The following CRTAC1 variants were observed in gnomAD, a reference collection of about 807,000 sequenced individuals.
The protein encoded by CRTAC1 is acidic secreted protein in cartilage.
In CRTAC1, 37 loss-of-function variants were observed where a neutral mutation model predicts 67.8. The observed-to-expected ratio is 0.55, with a 90% CI of 0.42 to 0.72. The LOEUF (loss-of-function observed/expected upper bound fraction) is 0.72. CRTAC1 is among the 30% of genes least tolerant of loss of function. The probability of loss-of-function intolerance (pLI) is 0.00; values close to 1 mark genes in which losing one functional copy is unlikely to be tolerated. For synonymous variants in CRTAC1, 348 were observed against 371.0 expected, an observed-to-expected ratio of 0.94 and a Z score of 0.71; for missense variants, 780 against 931.6, an observed-to-expected ratio of 0.84 and a Z score of 2.12.
chr10:97,865,870 A>ATG (rs1020339503), intron 14 of CRTAC1, 156 bp from the exon 15 acceptor site: 22 of 1,139,814 alleles, frequency 1.9e-5, no homozygotes, highest in Non-Finnish European at 2.6e-5. Flanking sequence ...CCATCAACCT[A>ATG]TGCCCCCTGT....
At chr10:97,904,566 C>A (rs548012158) in intron 7 of CRTAC1, 103 bp downstream of exon 7, 1 of 1,128,300 alleles carries the variant, frequency 8.9e-7, no homozygotes, top group African/African-American at 1.6e-5. Flanking sequence ...ATTATAGGCA[C>A]GCACCACCAC....
In CRTAC1 at chr10:98,029,480, CCAGCAGCAG is replaced by C. The variant is rs879078198; in HGVS notation, c.24+960_24+968del. ...GCAGAAGCCACACTGGGTGCACCCA[CCAGCAGCAG>C]CAGCGGCGGCGGCGGCGGCGGCGGC... On this transcript the variant is annotated intron_variant, in intron 1 of 14. Transcript: ENST00000370597. The surrounding 1 kb of genome is among the most constrained non-coding windows in gnomAD (Gnocchi z 4.7). 7.3e-6 allele frequency among the ~76,000 whole-genome samples: 1 copy of C among 136,750 alleles called. No homozygotes were observed. The highest frequency in any genetic ancestry group is 1.7e-5 in the Non-Finnish European group (1 of 60,490). 89.7% of individuals were successfully genotyped at this position (136,750 alleles called of 152,430 possible).
intron 2 of CRTAC1, among the ~76,000 whole-genome samples, chr10:98,003,116 G>A (rs980396644): frequency 8.5e-5 from 13 of 152,058 alleles, no homozygotes; most frequent in African/African-American, 3.1e-4. Flanking sequence ...AGGGATTGAC[G>A]TTGATTACAA....
intron 2 of CRTAC1, among the ~76,000 whole-genome samples, chr10:97,987,385 T>C (rs1169964937): frequency 3.3e-5 from 5 of 152,226 alleles, no homozygotes; most frequent in Admixed American, 2.0e-4. Flanking sequence ...ATTCTGAGCA[T>C]GAGATTTTCT....
At chr10:97,880,488 T>C in intron 13 of CRTAC1, 96 bp from the exon 14 acceptor site, 1 of 1,486,680 alleles carries the variant, frequency 6.7e-7, no homozygotes, top group Non-Finnish European at 9.2e-7. Flanking sequence ...TTTGGGAATG[T>C]GCCTTCCTCG....
chr10:97,940,881 G>A (rs916236504), intron 2 of CRTAC1, among the ~76,000 whole-genome samples: 2 of 152,098 alleles, frequency 1.3e-5, no homozygotes, highest in Non-Finnish European at 2.9e-5. Flanking sequence ...CAAACCCGGG[G>A]CACAATCTCT....
chr10:98,018,199 CAAAAAAAAAAAAAAAAAAAAAAAA>C (rs71007373), intron 1 of CRTAC1, among the ~76,000 whole-genome samples: 1 of 48,654 alleles, frequency 2.1e-5, no homozygotes, highest in Non-Finnish European at 3.3e-5. Context: ...AAGATGCCCG[CAAAAAAAAAAAAAAAAAAAAAAAA>C]AAAAAAAAAG....
At position 97,865,683 on chromosome 10, in the gene CRTAC1, G is replaced by A. The variant is rs958327725; in HGVS notation, c.1851C>T (p.Pro617=). 12 of 1,607,018 alleles carry A rather than the reference G, an allele frequency of 7.5e-6. No homozygotes were observed. Among genetic ancestry groups the A allele is most frequent in the Non-Finnish European group, 1.0e-5 (12 of 1,176,816 alleles). The change falls in exon 15 of 15, where the codon CCC becomes CCT. Residue 617 remains proline, a synonymous_variant. Coordinates refer to ENST00000370597, the MANE Select transcript of CRTAC1 (RefSeq NM_018058.7). ...TGGCAGCAGCAGCGGTGGGGGTGGTGGGGCGGGGGCCCGGTGACTGGCCGA... is the reference window on the plus strand; with the variant it reads ...TGGCAGCAGCAGCGGTGGGGGTGGTAGGGCGGGGGCCCGGTGACTGGCCGA... The part of the protein sequence containing the change: ...GTLGQSPGPR[P]TTPTAAAATA...
At chr10:97,878,740 T>C (rs573065904) in intron 14 of CRTAC1, 488 of 1,298,326 alleles carry the variant, frequency 3.8e-4, no homozygotes, top group Admixed American at 9.2e-4. Context: ...CAGCCAGACA[T>C]TGAGGAGTCT....
intron 2 of CRTAC1, among the ~76,000 whole-genome samples, chr10:97,997,718 T>C (rs1317322488): frequency 6.6e-6 from 1 of 152,070 alleles, no homozygotes; most frequent in East Asian, 1.9e-4. Context: ...ATCAGGGAGA[T>C]TTGAAAAGAA....
At chr10:97,959,752 C>T (rs545829514) in intron 2 of CRTAC1, among the ~76,000 whole-genome samples, 1 of 152,286 alleles carries the variant, frequency 6.6e-6, no homozygotes, top group Admixed American at 6.5e-5. Context: ...TATGTAAGCC[C>T]CTAATAAAAC....
chr10:97,990,960 C>T (rs1842438463), intron 2 of CRTAC1, among the ~76,000 whole-genome samples: 1 of 151,750 alleles, frequency 6.6e-6, no homozygotes, highest in Admixed American at 6.6e-5. Context: ...ATATATAGGT[C>T]TAATTAAAAA....
At chr10:97,982,581 G>A (rs568015223) in intron 2 of CRTAC1, among the ~76,000 whole-genome samples, 5 of 152,150 alleles carry the variant, frequency 3.3e-5, no homozygotes, top group African/African-American at 4.8e-5. Context: ...GGATGAAAGC[G>A]CAACACGTAG....
rs72075039 is a variant in CRTAC1, at chr10:98,002,762, T to TG, written c.224+8375_224+8376insC. On this transcript the variant is annotated intron_variant, in intron 2 of 14. Coordinates refer to ENST00000370597, the MANE Select transcript of CRTAC1 (RefSeq NM_018058.7). ...TTTAGGAATTCTTTACAAAACTCAC[T>TG]TTTTTTTTTTTTTTTTTTTTTTTTT... Among the ~76,000 whole-genome samples, 225 of 30,406 alleles carry TG rather than the reference T, an allele frequency of 7.4e-3. 3 individuals are homozygous for TG. Among genetic ancestry groups the TG allele is most frequent in the African/African-American group, 0.02 (103 of 5,140 alleles). The allele number at this position is 30,406 out of a possible 152,430, so 19.9% of individuals were successfully genotyped here.
intron 5 of CRTAC1, among the ~76,000 whole-genome samples, chr10:97,908,887 G>A (rs1366055307): frequency 6.6e-6 from 1 of 152,190 alleles, no homozygotes. Flanking sequence ...TTTGTGCAGA[G>A]TTATTCAGTT....
At chr10:97,966,567 C>T (rs1300907567) in intron 2 of CRTAC1, among the ~76,000 whole-genome samples, 1 of 152,172 alleles carries the variant, frequency 6.6e-6, no homozygotes, top group East Asian at 1.9e-4. Context: ...AATTACTGAA[C>T]CAGTATCAAT....
chr10:97,914,709 C>T (rs577569), intron 5 of CRTAC1, among the ~76,000 whole-genome samples: 150,639 of 152,252 alleles, frequency 0.99, 74,537 homozygotes, highest in East Asian at 1. Context: ...TCTGGTTCCA[C>T]GCCAGGGCCT....
intron 5 of CRTAC1, among the ~76,000 whole-genome samples, chr10:97,910,998 A>T (rs113516876): frequency 9.2e-5 from 14 of 152,204 alleles, no homozygotes; most frequent in African/African-American, 3.4e-4. Context: ...ATGGAGTGGC[A>T]TGGGTGGCTT....
At chr10:98,004,148 C>T (rs1842741435) in intron 2 of CRTAC1, among the ~76,000 whole-genome samples, 1 of 152,182 alleles carries the variant, frequency 6.6e-6, no homozygotes, top group South Asian at 2.1e-4. Flanking sequence ...GAAGAGCTGG[C>T]ACACTGCAAC....
Sources: allele counts gnomAD v4.1 joint callset (sites outside exome capture counted in the v4.1 genomes callset), GRCh38; gene constraint gnomAD v4.1.1; non-coding constraint Gnocchi (gnomAD v3.1); transcripts MANE v1.5; gene names NCBI Gene and HGNC (gene_info 2026-07-23, HGNC 2026-07-21).